The following POM121 variants were observed in gnomAD, a reference collection of about 807,000 sequenced individuals.
POM121 encodes POM121 transmembrane nucleoporin.
A neutral mutation model predicts 81.3 loss-of-function variants in POM121; 32 were observed. That is an observed-to-expected ratio of 0.39 (90% CI 0.30 to 0.53). The LOEUF is 0.53. POM121 is among the 20% of genes least tolerant of loss of function. POM121 has a pLI of 0.66. For missense variants in POM121, 1,138 were observed against 1,614.6 expected (o/e 0.70, Z 5.06); for synonymous variants, 514 against 694.2 (o/e 0.74, Z 4.08).
chr7:72,887,271 A>G (rs1382554761), intron 1 of POM121, among the ~76,000 whole-genome samples: 7 of 151,154 alleles, frequency 4.6e-5, no homozygotes, highest in Non-Finnish European at 8.9e-5. Flanking sequence ...AGAACGATGA[A>G]CTCTCTCAGT....
chr7:72,890,915 A>G (rs1159002614), intron 2 of POM121: 1 of 1,134,738 alleles, frequency 8.8e-7, no homozygotes, highest in African/African-American at 1.5e-5. Flanking sequence ...TAAAAAATGG[A>G]GCATTTCTGT....
At position 72,936,417 on chromosome 7, in the gene POM121, A is replaced by G. The variant is rs1178687354; in HGVS notation, c.1276-2173A>G. ...CTCAGACTCCCAAGTAGCTGGGACT[A>G]CAGGCACCTGCCACCACACCCGGCT... On this transcript the variant is annotated intron_variant, in intron 5 of 12. Coordinates refer to ENST00000434423, the MANE Select transcript of POM121 (RefSeq NM_001387691.1). Among the ~76,000 whole-genome samples the G allele has an allele frequency of 2.0e-5, 3 of 151,588 alleles. No homozygotes were observed. In the East Asian group the frequency reaches 5.8e-4, roughly 29 times the overall value.
chr7:72,901,201 C>CCTTTTTTT (rs1240770100), intron 3 of POM121, among the ~76,000 whole-genome samples: 5 of 151,354 alleles, frequency 3.3e-5, no homozygotes, highest in Admixed American at 2.6e-4. Flanking sequence ...AAGTCACGCA[C>CCTTTTTTT]CTTTTTTTCT....
In POM121 at chr7:72,928,370, T is replaced by C. The variant is rs1554497950; in HGVS notation, c.1023-15T>C. On this transcript the variant is annotated splice_polypyrimidine_tract_variant and intron_variant, in intron 3 of 12. Transcript: ENST00000434423. ...AGTCATGTCATTTCATTGAGACTTT[T>C]TTGATTTGTCGCAGGCGCCATGATA... The C allele has an allele frequency of 3.7e-6, 6 of 1,614,208 alleles. No homozygotes were observed. The highest frequency in any genetic ancestry group is 5.1e-6 in the Non-Finnish European group (6 of 1,180,020).
At chr7:72,929,607 A>C (rs1160678537) in intron 4 of POM121, among the ~76,000 whole-genome samples, 6 of 152,184 alleles carry the variant, frequency 3.9e-5, no homozygotes, top group African/African-American at 1.4e-4. Flanking sequence ...TAAGATAATG[A>C]ACATCCTTCA....
chr7:72,885,093 A>G (rs2129574486), intron 1 of POM121, among the ~76,000 whole-genome samples: 1 of 152,378 alleles, frequency 6.6e-6, no homozygotes, highest in East Asian at 1.9e-4. Context: ...CCATTATAAC[A>G]TTTGAAGAAT....
Position 72,925,480 on chromosome 7 carries a change from T to C in POM121, c.359T>C (p.Leu120Pro). 6.5e-7 allele frequency: 1 copy of C among 1,533,634 alleles called. No homozygotes were observed. Among genetic ancestry groups the C allele is most frequent in the Non-Finnish European group, 8.7e-7 (1 of 1,146,488 alleles). Reference sequence around the variant, plus strand: ...AAGTCGACAGCCAACGGAAACCTCCTAGAGCCGCGGACCCTGCTCGAAGGA... The same window carrying C: ...AAGTCGACAGCCAACGGAAACCTCCCAGAGCCGCGGACCCTGCTCGAAGGA... ...LAKSTANGNL[L>P]EPRTLLEGPD... is the part of the protein sequence containing the mutation. The change falls in exon 1 of 13, where the codon CTA becomes CCA. Residue 120 changes from leucine to proline, a missense_variant. Leu to Pro is a moderately conservative substitution (Grantham distance 98). This residue lies in a region of POM121 where 646 missense variants were observed against 633.5 expected (regional missense o/e 1.02). Transcript: ENST00000434423.
upstream of POM121, among the ~76,000 whole-genome samples, chr7:72,923,732 T>TG (rs1199564999): frequency 6.8e-6 from 1 of 147,572 alleles, no homozygotes; most frequent in Non-Finnish European, 1.5e-5. Flanking sequence ...CCCAAGTAGC[T>TG]GGGACTACAG....
At chr7:72,879,879 C>A (rs1171743745) in exon 1 of POM121, 1 of 513,588 alleles carries the variant, frequency 1.9e-6, no homozygotes, top group African/African-American at 1.9e-5. Context: ...TGCAGAGCCC[C>A]AGGAGGGTAA....
chr7:72,926,563 A>G, intron 2 of POM121, 86 bp downstream of exon 2: 1 of 1,583,038 alleles, frequency 6.3e-7, no homozygotes, highest in Non-Finnish European at 8.6e-7. Context: ...ACTACAACGC[A>G]GAAAAGAAAG....
intron 11 of POM121, 22 bp from the exon 12 acceptor site, chr7:72,945,564 C>T (rs781927822): frequency 5.0e-6 from 8 of 1,613,166 alleles, no homozygotes; most frequent in Non-Finnish European, 5.9e-6. Context: ...CACTGGCCAG[C>T]TCTCTGTTCT....
intron 1 of POM121, among the ~76,000 whole-genome samples, chr7:72,889,685 A>T (rs1404464962): frequency 1.3e-5 from 2 of 152,172 alleles, no homozygotes; most frequent in Non-Finnish European, 2.9e-5. Context: ...TTTTAAAAAA[A>T]TTTTTATTTT....
intron 5 of POM121, among the ~76,000 whole-genome samples, chr7:72,935,167 GTTAT>G (rs1273306153): frequency 6.6e-5 from 10 of 151,724 alleles, no homozygotes; most frequent in African/African-American, 2.4e-4. Context: ...ATGGAATGTC[GTTAT>G]TTATTTATTT....
At chr7:72,921,961 T>G (rs1417266436), upstream of POM121, among the ~76,000 whole-genome samples, 2 of 152,164 alleles carry the variant, frequency 1.3e-5, no homozygotes, top group Admixed American at 6.5e-5. Flanking sequence ...TTCACCCTTA[T>G]TTTTTACTAG....
intron 3 of POM121, among the ~76,000 whole-genome samples, chr7:72,894,633 G>GAGAA (rs1212872132): frequency 2.6e-5 from 1 of 38,562 alleles, no homozygotes; most frequent in African/African-American, 6.2e-5. Context: ...AGAGGAGAGA[G>GAGAA]AGAGAGAGAG....
chr7:72,948,719 G>A (rs532681815), downstream of POM121: 21 of 1,556,920 alleles, frequency 1.3e-5, no homozygotes, highest in Middle Eastern at 1.7e-4. Context: ...ACCGCTAAGC[G>A]TGGTCTTGGG....
At chr7:72,887,148 A>G (rs1306975325) in intron 1 of POM121, among the ~76,000 whole-genome samples, 5 of 152,192 alleles carry the variant, frequency 3.3e-5, no homozygotes, top group South Asian at 4.2e-4. Flanking sequence ...TTTCCACGAT[A>G]CTGTTCATCT....
intron 1 of POM121, among the ~76,000 whole-genome samples, chr7:72,888,786 G>T (rs1448641507): frequency 6.6e-6 from 1 of 151,984 alleles, no homozygotes; most frequent in African/African-American, 2.4e-5. Context: ...ATATTAGGGT[G>T]TAATATTTAT....
At position 72,880,950 on chromosome 7, in the gene POM121, AT is replaced by A. The variant is rs1228810275; in HGVS notation, c.-521+1068del. ...ATTTTTTTTTCTTTTTGCACCTTGT[AT>A]TTGATGATGATGGCAGACTATTTGT... On this transcript the variant is annotated intron_variant, in intron 1 of 15. Coordinates refer to the POM121 transcript ENST00000395270. Among the ~76,000 whole-genome samples, 13 of 106,574 alleles carry A rather than the reference AT, an allele frequency of 1.2e-4. 2 individuals carry two copies. The highest frequency in any genetic ancestry group is 4.2e-5 in the Non-Finnish European group (2 of 47,390). The allele number at this position is 106,574 out of a possible 152,430, so 69.9% of individuals were successfully genotyped here. A position where few individuals can be genotyped will look rare whatever the true frequency, so the allele number is the denominator to read the frequency against.
Sources: gnomAD v4.1 joint callset for allele counts (sites outside exome capture counted in the v4.1 genomes callset) on GRCh38, gnomAD v4.1.1 for gene constraint, gnomAD v4.1.1 regional missense constraint, MANE v1.5 for transcripts, NCBI Gene and HGNC (gene_info 2026-07-23, HGNC 2026-07-21) for gene names.